The following RPGRIP1 variants were observed in gnomAD, a reference collection of about 807,000 sequenced individuals.
RPGRIP1 encodes the protein X-linked retinitis pigmentosa GTPase regulator-interacting protein 1.
RPGRIP1 carries 128 observed loss-of-function variants against 157.9 expected under a neutral mutation model. The observed-to-expected ratio is 0.81, with a 90% CI of 0.70 to 0.94. The LOEUF (loss-of-function observed/expected upper bound fraction) is 0.94. RPGRIP1 is among the 40% of genes least tolerant of loss of function. The pLI is 0.00. For missense variants in RPGRIP1, 1,486 were observed against 1,545.8 expected (o/e 0.96, Z 0.65); for synonymous variants, 554 against 571.6 (o/e 0.97, Z 0.44).
intron 5 of RPGRIP1, chr14:21,302,867 T>G (rs1211720677): frequency 6.9e-5 from 8 of 116,446 alleles, no homozygotes; most frequent in Non-Finnish European, 9.2e-5. Context: ...TTTGTTGTGT[T>G]TTTTTTTTTT....
intron 12 of RPGRIP1, 84 bp downstream of exon 12, chr14:21,320,261 A>T: frequency 2.4e-6 from 3 of 1,238,840 alleles, no homozygotes; most frequent in Non-Finnish European, 3.4e-6. Context: ...AGATTAGAAA[A>T]CTAACTAAAT....
chr14:21,337,017 A>G (rs1884431209), intron 21 of RPGRIP1, among the ~76,000 whole-genome samples: 1 of 152,234 alleles, frequency 6.6e-6, no homozygotes, highest in Non-Finnish European at 1.5e-5. Flanking sequence ...AGGCACATAT[A>G]TATTAAATTA....
intron 7 of RPGRIP1, among the ~76,000 whole-genome samples, chr14:21,309,839 A>G (rs1323794846): frequency 6.6e-6 from 1 of 151,604 alleles, no homozygotes; most frequent in Non-Finnish European, 1.5e-5. Context: ...AAATTTAAAA[A>G]AAAAGTTTGG....
chr14:21,328,330 A>C (rs555163016), intron 18 of RPGRIP1, 94 bp from the exon 19 acceptor site: 1 of 869,292 alleles, frequency 1.2e-6, no homozygotes, highest in African/African-American at 1.7e-5. Context: ...TGAGGAGAGA[A>C]ATGAAGTCTA....
intron 22 of RPGRIP1, 22 bp downstream of exon 22, chr14:21,343,250 C>T (rs374343298): frequency 6.3e-7 from 1 of 1,591,340 alleles, no homozygotes; most frequent in Non-Finnish European, 8.6e-7. Context: ...TGTGTGGTTA[C>T]TGGGGTGAGG....
rs369545018 is a variant in RPGRIP1 at position 21,314,366 on chromosome 14, G to A, written c.1151+1860G>A. Among the ~76,000 whole-genome samples, 143 of 152,246 alleles carry A rather than the reference G, an allele frequency of 9.4e-4. 2 individuals carry two copies. The South Asian group carries it at 0.019, about 20-fold the overall frequency. On this transcript the variant is annotated intron_variant, in intron 10 of 24. Coordinates refer to ENST00000400017, the MANE Select transcript of RPGRIP1 (RefSeq NM_020366.4). ...CCCAAAGTGTTGGGATTACAGGCATGAGCCACCGACCCTGGGCTATTCTAT... is the reference window on the plus strand; with the variant it reads ...CCCAAAGTGTTGGGATTACAGGCATAAGCCACCGACCCTGGGCTATTCTAT...
At chr14:21,299,221 C>T (rs892682977) in intron 3 of RPGRIP1, among the ~76,000 whole-genome samples, 2 of 151,956 alleles carry the variant, frequency 1.3e-5, no homozygotes, top group African/African-American at 4.8e-5. Context: ...AGGCTGGTCT[C>T]GAACTCCTGA....
chr14:21,321,144 G>A, intron 12 of RPGRIP1, 115 bp from the exon 13 acceptor site: 3 of 1,025,736 alleles, frequency 2.9e-6, no homozygotes, highest in Non-Finnish European at 2.8e-6. Flanking sequence ...TTTACATTTT[G>A]GAGTAGTTTC....
chr14:21,293,309 C>T (rs965628376), intron 2 of RPGRIP1, among the ~76,000 whole-genome samples: 2 of 152,106 alleles, frequency 1.3e-5, no homozygotes. Flanking sequence ...GCTTTGGGGA[C>T]AGTTTCTCCT....
intron 3 of RPGRIP1, among the ~76,000 whole-genome samples, chr14:21,295,194 A>G (rs370209211): frequency 1.3e-5 from 2 of 151,946 alleles, no homozygotes; most frequent in Admixed American, 6.6e-5. Flanking sequence ...TTTGCCAAAC[A>G]TGTCGATAGA....
intron 20 of RPGRIP1, among the ~76,000 whole-genome samples, chr14:21,330,655 C>T (rs1426618741): frequency 1.3e-5 from 2 of 151,784 alleles, no homozygotes; most frequent in Non-Finnish European, 1.5e-5. Context: ...GGCGACAGAG[C>T]GAGACTCCAT....
chr14:21,321,577 G>A lies in RPGRIP1; in HGVS notation c.1611+175G>A, dbSNP rs181894699. 27 of 1,287,934 alleles carry A rather than the reference G, an allele frequency of 2.1e-5. No individual in the cohort carries two copies. The Middle Eastern group carries it at 8.3e-4, about 40-fold the overall frequency. 79.8% of individuals were successfully genotyped at this position (1,287,934 alleles called of 1,614,324 possible). A position where few individuals can be genotyped will look rare whatever the true frequency, so the allele number is the denominator to read the frequency against. On this transcript the variant is annotated intron_variant, in intron 13 of 24. Transcript: ENST00000400017. Reference sequence around the variant, plus strand: ...AACTTGAGGACTCACACATGCCCACGGCACCTTGGCACTAGGAGCCAGTGA... The same window carrying A: ...AACTTGAGGACTCACACATGCCCACAGCACCTTGGCACTAGGAGCCAGTGA...
At chr14:21,307,118 C>G (rs1335137246) in intron 6 of RPGRIP1, among the ~76,000 whole-genome samples, 2 of 151,962 alleles carry the variant, frequency 1.3e-5, no homozygotes, top group Admixed American at 6.6e-5. Flanking sequence ...GTTGCCTAAG[C>G]TGATTTCAGC....
At chr14:21,300,587 A>C (rs1417841837) in intron 3 of RPGRIP1, among the ~76,000 whole-genome samples, 1 of 151,848 alleles carries the variant, frequency 6.6e-6, no homozygotes. Context: ...TGTTATTTAT[A>C]TTTGTCACCC....
At chr14:21,312,032 A>G in intron 9 of RPGRIP1, 62 bp downstream of exon 9, 2 of 1,458,048 alleles carry the variant, frequency 1.4e-6, no homozygotes, top group Non-Finnish European at 1.9e-6. Context: ...TAGAATGTGT[A>G]TCTTAGCAAC....
intron 2 of RPGRIP1, among the ~76,000 whole-genome samples, chr14:21,290,137 A>G (rs1880464160): frequency 1.3e-5 from 2 of 152,074 alleles, no homozygotes; most frequent in Non-Finnish European, 1.5e-5. Flanking sequence ...GATTACAGGC[A>G]GAAGCCACCA....
chr14:21,284,809 C>T (rs1471371613), intron 1 of RPGRIP1, among the ~76,000 whole-genome samples: 1 of 152,068 alleles, frequency 6.6e-6, no homozygotes. Flanking sequence ...GCCTCAGCCT[C>T]CCAAAGTACT....
rs1881076524 is a variant in RPGRIP1, at chr14:21,302,512, C to G, written c.515C>G (p.Thr172Arg). 6.3e-7 allele frequency: 1 copy of G among 1,582,754 alleles called. No individual in the cohort carries two copies. Among genetic ancestry groups the G allele is most frequent in the East Asian group, 2.3e-5 (1 of 44,196 alleles). ...KRGPRDRLSY[T>R]APPSFKEHAT... is the part of the protein sequence containing the mutation. Reference sequence around the variant, plus strand: ...GGGCCAAGGGACAGGCTGAGCTACACAGCCCCTCCATCGTTTAAGGAGCAT... The same window carrying G: ...GGGCCAAGGGACAGGCTGAGCTACAGAGCCCCTCCATCGTTTAAGGAGCAT... Residue 172 changes from threonine (T) to arginine (R), a missense_variant, in exon 5 of 25, where the codon ACA (threonine) becomes AGA (arginine). Physicochemically the swap from Thr to Arg is moderately conservative, Grantham distance 71. Coordinates refer to ENST00000400017, the MANE Select transcript of RPGRIP1 (RefSeq NM_020366.4).
chr14:21,280,394 G>A (rs1052106405), intron 1 of RPGRIP1, among the ~76,000 whole-genome samples: 1 of 151,732 alleles, frequency 6.6e-6, no homozygotes, highest in South Asian at 2.1e-4. Flanking sequence ...ACAGGCATGC[G>A]CCACCATTGC....
Sources: gnomAD v4.1 joint callset for allele counts (sites outside exome capture counted in the v4.1 genomes callset) on GRCh38, gnomAD v4.1.1 for gene constraint, MANE v1.5 for transcripts, NCBI Gene and HGNC (gene_info 2026-07-23, HGNC 2026-07-21) for gene names.